The following KDM5A variants were observed in gnomAD, a reference collection of about 807,000 sequenced individuals.
KDM5A encodes lysine-specific demethylase 5A.
KDM5A carries 42 observed loss-of-function variants against 193.5 expected under a neutral mutation model. That is an observed-to-expected ratio of 0.22 (90% CI 0.17 to 0.28). The LOEUF is 0.28. KDM5A is among the 10% of genes least tolerant of loss of function. The pLI, the probability that KDM5A is intolerant of heterozygous loss-of-function variation, is 1.00. For synonymous variants in KDM5A, 796 were observed against 718.1 expected (o/e 1.11, Z -1.73); for missense variants, 1,692 against 2,055.1 (o/e 0.82, Z 3.42).
At position 361,520 on chromosome 12, in the gene KDM5A, A is replaced by G. The variant is rs192071021; in HGVS notation, c.672+1443T>C. 1.8e-4 allele frequency among the ~76,000 whole-genome samples: 27 copies of G among 152,186 alleles called. No homozygotes were observed. In the East Asian group the frequency reaches 4.8e-3, roughly 27 times the overall value. ...GTAGTCCCCATTTTTATAATAAAGA[A>G]AAGCATTAGGAATAGGCAAGACATC... On this transcript the variant is annotated intron_variant, in intron 5 of 27. Coordinates refer to ENST00000399788, the MANE Select transcript of KDM5A (RefSeq NM_001042603.3).
At chr12:341,705 G>A (rs900642925) in intron 10 of KDM5A, among the ~76,000 whole-genome samples, 3 of 152,086 alleles carry the variant, frequency 2.0e-5, no homozygotes, top group African/African-American at 7.2e-5. Flanking sequence ...CTCGAGACCA[G>A]CTGGGCCAAC....
chr12:318,242 C>T lies in KDM5A; in HGVS notation c.2761G>A (p.Val921Ile). 6.2e-7 allele frequency: 1 copy of T among 1,614,204 alleles called. No homozygotes were observed. Among genetic ancestry groups the T allele is most frequent in the Non-Finnish European group, 8.5e-7 (1 of 1,180,040 alleles). ...CCAGAGTCTATCAGCTTCTTCATGACATCCAAAGTGACTTGTTGCGGATCT... is the reference window on the plus strand; with the variant it reads ...CCAGAGTCTATCAGCTTCTTCATGATATCCAAAGTGACTTGTTGCGGATCT... ...LSDPQQVTLD[V>I]MKKLIDSGVG... The change falls in exon 19 of 28, where the codon GTC becomes ATC. Residue 921 changes from valine (V) to isoleucine (I), a missense_variant. Physicochemically the swap from Val to Ile is conservative, Grantham distance 29. This residue lies in a region of KDM5A where 965 missense variants were observed against 1,061.0 expected (regional missense o/e 0.91). Transcript: ENST00000399788.
intron 1 of KDM5A, chr12:388,565 A>G (rs1327764621): frequency 2.7e-6 from 1 of 373,828 alleles, no homozygotes; most frequent in Non-Finnish European, 5.2e-6. Flanking sequence ...GGTCTTGAAT[A>G]AAGAGATAGC....
intron 10 of KDM5A, among the ~76,000 whole-genome samples, chr12:338,775 T>A (rs984736272): frequency 6.6e-6 from 1 of 152,168 alleles, no homozygotes; most frequent in Non-Finnish European, 1.5e-5. Context: ...ATTTAGTCAA[T>A]GACAATACGG....
In KDM5A at chr12:323,064, A is replaced by G. The variant is rs1943738668; in HGVS notation, c.2275+18T>C. On this transcript the variant is annotated intron_variant, in intron 16 of 27. Coordinates refer to ENST00000399788, the MANE Select transcript of KDM5A (RefSeq NM_001042603.3). ...GACAATCAATTCAGTATATGCATAC[A>G]AAAGAAGGAAATTTAACCTTTTTTG... is the stretch of plus-strand genomic sequence containing the variant. 2.5e-6 allele frequency: 4 copies of G among 1,613,586 alleles called. No homozygotes were observed.
intron 3 of KDM5A, among the ~76,000 whole-genome samples, chr12:367,368 T>C (rs1335003511): frequency 4.0e-5 from 6 of 150,032 alleles, no homozygotes; most frequent in Non-Finnish European, 3.0e-5. Context: ...CTGGACAATA[T>C]AGTGAGGCCC....
At chr12:365,883 T>C in intron 4 of KDM5A, 51 bp downstream of exon 4, 1 of 1,585,366 alleles carries the variant, frequency 6.3e-7, no homozygotes, top group South Asian at 1.1e-5. Context: ...AAGTTTGTAC[T>C]TGGGCAAACT....
chr12:358,027 TA>T (rs1331898169), intron 5 of KDM5A, among the ~76,000 whole-genome samples: 1 of 152,036 alleles, frequency 6.6e-6, no homozygotes, highest in Non-Finnish European at 1.5e-5. Context: ...ATCCTAGAGC[TA>T]CTTACCTCTG....
chr12:326,232 G>C (rs1943781609), intron 14 of KDM5A, among the ~76,000 whole-genome samples: 1 of 152,198 alleles, frequency 6.6e-6, no homozygotes, highest in African/African-American at 2.4e-5. Flanking sequence ...ATGAGTGGCT[G>C]GACACAGCCT....
chr12:360,652 GTTAGA>G (rs1379032138), intron 5 of KDM5A, among the ~76,000 whole-genome samples: 2 of 152,148 alleles, frequency 1.3e-5, no homozygotes, highest in Non-Finnish European at 2.9e-5. Context: ...TTAGCTCAAA[GTTAGA>G]TTATAGAGTA....
rs1387282996 is a variant in KDM5A at position 352,268 on chromosome 12, T to C, written c.1086A>G (p.Thr362=). ...FGFEQAVREY[T]LQSFGEMADN... is the part of the protein sequence containing the mutation. ...CTGCCATCTCTCCAAAGCTCTGAAG[T>C]GTATACTCTCGTACAGCTTGTTCAA... is the stretch of plus-strand genomic sequence containing the variant. Residue 362 remains threonine, a synonymous_variant, in exon 9 of 28, where the codon ACA becomes ACG. Coordinates refer to ENST00000399788, the MANE Select transcript of KDM5A (RefSeq NM_001042603.3). 6.2e-7 allele frequency: 1 copy of C among 1,612,440 alleles called. No individual in the cohort carries two copies. The highest frequency in any genetic ancestry group is 1.7e-5 in the Admixed American group (1 of 60,012).
chr12:330,511 C>A (rs1943852373), intron 13 of KDM5A, among the ~76,000 whole-genome samples: 1 of 152,106 alleles, frequency 6.6e-6, no homozygotes, highest in African/African-American at 2.4e-5. Context: ...ATACCAATAA[C>A]AGAGAGAATG....
Position 342,709 on chromosome 12 carries a change from G to A in KDM5A, c.1308+7912C>T, listed in dbSNP as rs141236633. 3.3e-3 allele frequency among the ~76,000 whole-genome samples: 491 copies of A among 150,952 alleles called. 1 individual carries two copies. Among genetic ancestry groups the A allele is most frequent in the Non-Finnish European group, 4.5e-3 (303 of 67,816 alleles). ...ACTACTGACCTCAAGTGATTCACCTGCCTCGGCCTCCCAAAGGGCTCGAAT... is the reference window on the plus strand; with the variant it reads ...ACTACTGACCTCAAGTGATTCACCTACCTCGGCCTCCCAAAGGGCTCGAAT... On this transcript the variant is annotated intron_variant, in intron 10 of 27. Transcript: ENST00000399788.
At chr12:302,632 C>T (rs1323430264) in intron 24 of KDM5A, among the ~76,000 whole-genome samples, 1 of 152,148 alleles carries the variant, frequency 6.6e-6, no homozygotes, top group Admixed American at 6.5e-5. Context: ...ATGACTACAA[C>T]AACAAAAGCA....
At chr12:334,629 T>C (rs4980814) in intron 10 of KDM5A, among the ~76,000 whole-genome samples, 34,262 of 152,112 alleles carry the variant, frequency 0.23, 3,984 homozygotes, top group South Asian at 0.3. Flanking sequence ...TAGATTTCCC[T>C]TTATTTCAGA....
At chr12:338,477 A>C (rs1275340218) in intron 10 of KDM5A, among the ~76,000 whole-genome samples, 1 of 152,186 alleles carries the variant, frequency 6.6e-6, no homozygotes, top group Non-Finnish European at 1.5e-5. Context: ...ATACCCTGGG[A>C]AGCCTGTGCC....
At chr12:323,238 A>AAAT in intron 15 of KDM5A, 32 bp from the exon 16 acceptor site, 1 of 1,489,776 alleles carries the variant, frequency 6.7e-7, no homozygotes. Context: ...AAAAAAAAAA[A>AAAT]AGAAAACAGA....
chr12:297,010 T>C (rs748416644), intron 25 of KDM5A, 31 bp downstream of exon 25: 3 of 1,609,120 alleles, frequency 1.9e-6, no homozygotes, highest in South Asian at 2.2e-5. Context: ...TTTCTGCTTA[T>C]GTTCCCCACA....
intron 14 of KDM5A, among the ~76,000 whole-genome samples, chr12:328,555 C>A (rs961495302): frequency 2.0e-5 from 3 of 152,058 alleles, no homozygotes; most frequent in Admixed American, 2.0e-4. Flanking sequence ...TTTAAATTTT[C>A]TTGTTTAAAC....
Sources: gnomAD v4.1 joint callset for allele counts (sites outside exome capture counted in the v4.1 genomes callset) on GRCh38, gnomAD v4.1.1 for gene constraint, gnomAD v4.1.1 regional missense constraint, MANE v1.5 for transcripts, NCBI Gene and HGNC (gene_info 2026-07-23, HGNC 2026-07-21) for gene names.